The following PAK5 variants were observed in gnomAD, a reference collection of about 807,000 sequenced individuals.
PAK5 encodes the protein p21 (RAC1) activated kinase 5.
In PAK5, 16 loss-of-function variants were observed where a neutral mutation model predicts 65.9. That is an observed-to-expected ratio of 0.24 (90% CI 0.16 to 0.37). The LOEUF (loss-of-function observed/expected upper bound fraction) is 0.37, where lower values mean the gene tolerates loss of function less well. Among genes scored for constraint, PAK5 ranks in the 10% least tolerant of loss-of-function variants. The pLI is 1.00. For missense variants in PAK5, 785 were observed against 903.9 expected, an observed-to-expected ratio of 0.87 and a Z score of 1.69; for synonymous variants, 371 against 354.9, an observed-to-expected ratio of 1.05 and a Z score of -0.51.
At chr20:9,760,602 G>A (rs117650724) in intron 1 of PAK5, among the ~76,000 whole-genome samples, 1 of 149,136 alleles carries the variant, frequency 6.7e-6, no homozygotes, top group East Asian at 2.0e-4. Flanking sequence ...ATGTATATTT[G>A]AGTTTAGCTT....
At chr20:9,694,473 A>T (rs2047842161) in intron 2 of PAK5, among the ~76,000 whole-genome samples, 1 of 151,980 alleles carries the variant, frequency 6.6e-6, no homozygotes, top group African/African-American at 2.4e-5. Context: ...CAGCTTAACG[A>T]CTTTTCACAA....
intron 3 of PAK5, among the ~76,000 whole-genome samples, chr20:9,606,265 G>A (rs1292896752): frequency 6.6e-6 from 1 of 152,174 alleles, no homozygotes; most frequent in Non-Finnish European, 1.5e-5. Context: ...GCCATGTGAT[G>A]TATCTGCTCC....
chr20:9,782,179 C>T (rs1600368449), intron 1 of PAK5, among the ~76,000 whole-genome samples: 1 of 152,166 alleles, frequency 6.6e-6, no homozygotes, highest in East Asian at 1.9e-4. Context: ...TCATCTATTC[C>T]ATCTTCCTGG....
chr20:9,657,631 C>T (rs2123319927), intron 2 of PAK5, among the ~76,000 whole-genome samples: 1 of 152,238 alleles, frequency 6.6e-6, no homozygotes, highest in African/African-American at 2.4e-5. Context: ...ATGTACCTTA[C>T]ATTATATTTC....
chr20:9,718,919 A>G (rs1312400482), intron 1 of PAK5, among the ~76,000 whole-genome samples: 1 of 152,202 alleles, frequency 6.6e-6, no homozygotes, highest in African/African-American at 2.4e-5. Context: ...AAAGCCAGGC[A>G]GAAAACAAGC....
At chr20:9,641,667 G>A (rs553351718) in intron 3 of PAK5, among the ~76,000 whole-genome samples, 13 of 152,090 alleles carry the variant, frequency 8.5e-5, no homozygotes, top group African/African-American at 2.2e-4. Context: ...AGGCTCGGCC[G>A]CACAGGAGCC....
chr20:9,724,695 C>T (rs2048255654), intron 1 of PAK5, among the ~76,000 whole-genome samples: 1 of 152,010 alleles, frequency 6.6e-6, no homozygotes. Flanking sequence ...CACTCAATTT[C>T]CATTATAGTT....
At chr20:9,619,389 C>G (rs1205561239) in intron 3 of PAK5, among the ~76,000 whole-genome samples, 1 of 152,216 alleles carries the variant, frequency 6.6e-6, no homozygotes, top group African/African-American at 2.4e-5. Flanking sequence ...TTCCACGCTT[C>G]TCTTTGAAGG....
chr20:9,788,708 C>T (rs1226809827), intron 1 of PAK5, among the ~76,000 whole-genome samples: 1 of 152,146 alleles, frequency 6.6e-6, no homozygotes, highest in Non-Finnish European at 1.5e-5. Context: ...ACAATTTTAT[C>T]TATAACTCTA....
At chr20:9,578,288 A>G (rs1306603022) in intron 4 of PAK5, among the ~76,000 whole-genome samples, 1 of 152,200 alleles carries the variant, frequency 6.6e-6, no homozygotes, top group African/African-American at 2.4e-5. Flanking sequence ...AGCCCATGCT[A>G]TGTGAAAATG....
intron 4 of PAK5, among the ~76,000 whole-genome samples, chr20:9,579,694 A>T (rs568630558): frequency 1.3e-5 from 2 of 152,330 alleles, no homozygotes; most frequent in East Asian, 3.9e-4. Context: ...TTATTTAAAA[A>T]TTACCATGTT....
chr20:9,811,658 C>T (rs1178275704), intron 1 of PAK5, among the ~76,000 whole-genome samples: 1 of 152,156 alleles, frequency 6.6e-6, no homozygotes, highest in Non-Finnish European at 1.5e-5. Context: ...TTGTATGTAT[C>T]TATATATTCA....
intron 3 of PAK5, among the ~76,000 whole-genome samples, chr20:9,592,709 C>T (rs537874636): frequency 3.9e-5 from 6 of 152,270 alleles, no homozygotes; most frequent in African/African-American, 1.4e-4. Context: ...TGCCAGGCAG[C>T]TGTCATGCAA....
In PAK5 at chr20:9,838,224, A is replaced by AG. The variant is rs1979313727; in HGVS notation, c.-162+537_-162+538insC. Among the ~76,000 whole-genome samples the AG allele has an allele frequency of 6.7e-5, 9 of 135,152 alleles. No individual in the cohort carries two copies. The highest frequency in any genetic ancestry group is 6.4e-4 in the Admixed American group (9 of 14,048). 88.7% of individuals were successfully genotyped at this position (135,152 alleles called of 152,430 possible). On this transcript the variant is annotated intron_variant, in intron 1 of 9. Transcript: ENST00000353224. This position sits in a 1 kb window ranked among gnomAD's most constrained non-coding sequence, Gnocchi z 4.5. Reference sequence around the variant, plus strand: ...ACGCGCGCACACACACACACACACAAATAACAAAGGAAAACACAGCCTCAT... The same window carrying AG: ...ACGCGCGCACACACACACACACACAAGATAACAAAGGAAAACACAGCCTCAT...
At chr20:9,699,048 AC>A (rs890654783) in intron 2 of PAK5, among the ~76,000 whole-genome samples, 83 of 152,256 alleles carry the variant, frequency 5.5e-4, no homozygotes, top group African/African-American at 1.9e-3. Flanking sequence ...GATAGAGGAA[AC>A]TTTGAATTAG....
intron 1 of PAK5, among the ~76,000 whole-genome samples, chr20:9,773,220 T>C (rs1261539999): frequency 6.6e-6 from 1 of 152,128 alleles, no homozygotes; most frequent in East Asian, 1.9e-4. Context: ...TTGCTTGCAT[T>C]GGTTCTCTTT....
chr20:9,624,067 G>A (rs1314236093), intron 3 of PAK5, among the ~76,000 whole-genome samples: 1 of 152,132 alleles, frequency 6.6e-6, no homozygotes, highest in Non-Finnish European at 1.5e-5. Flanking sequence ...TTGTAGTCAA[G>A]ACAATTTTAA....
In PAK5 at chr20:9,793,342, A is replaced by G. The variant is rs373151528; in HGVS notation, c.-162+45420T>C. On this transcript the variant is annotated intron_variant, in intron 1 of 9. Coordinates refer to ENST00000353224, the MANE Select transcript of PAK5 (RefSeq NM_177990.4). ...AGATAAAATTTTGTAAATAGTATCAATGTATGCTGTTACAAAGTAGCCTAC... is the reference window on the plus strand; with the variant it reads ...AGATAAAATTTTGTAAATAGTATCAGTGTATGCTGTTACAAAGTAGCCTAC... 9.2e-5 allele frequency among the ~76,000 whole-genome samples: 14 copies of G among 152,286 alleles called. No homozygotes were observed. The South Asian group carries it at 2.9e-3, about 32-fold the overall frequency.
intron 2 of PAK5, among the ~76,000 whole-genome samples, chr20:9,656,420 C>T (rs2047268974): frequency 6.6e-6 from 1 of 152,118 alleles, no homozygotes; most frequent in African/African-American, 2.4e-5. Flanking sequence ...GATAAACACA[C>T]AGCTTTTCAG....
Sources: allele counts gnomAD v4.1 joint callset (sites outside exome capture counted in the v4.1 genomes callset), GRCh38; gene constraint gnomAD v4.1.1; non-coding constraint Gnocchi (gnomAD v3.1); transcripts MANE v1.5; gene names NCBI Gene and HGNC (gene_info 2026-07-23, HGNC 2026-07-21).